Variants in PTPRD observed in about 807,000 individuals in gnomAD.
PTPRD encodes the protein protein tyrosine phosphatase receptor type D.
PTPRD carries 34 observed loss-of-function variants against 214.5 expected under a neutral mutation model. The observed-to-expected ratio is 0.16, with a 90% CI of 0.12 to 0.21. The LOEUF (loss-of-function observed/expected upper bound fraction) is 0.21, where lower values mean the gene tolerates loss of function less well. Ranked by LOEUF, PTPRD falls within the 10% of genes least tolerant of loss-of-function variation. The probability of loss-of-function intolerance (pLI) is 1.00; values close to 1 mark genes in which losing one functional copy is unlikely to be tolerated. For missense variants in PTPRD, 2,545 were observed against 2,398.7 expected, an observed-to-expected ratio of 1.06 and a Z score of -1.27; for synonymous variants, 1,128 against 845.7, an observed-to-expected ratio of 1.33 and a Z score of -5.79.
At chr9:9,184,778 T>C (rs935469829) in intron 9 of PTPRD, among the ~76,000 whole-genome samples, 2 of 152,036 alleles carry the variant, frequency 1.3e-5, no homozygotes, top group South Asian at 2.1e-4. Context: ...TAGCATATAC[T>C]TACCATCCCT....
intron 6 of PTPRD, among the ~76,000 whole-genome samples, chr9:9,750,726 T>C (rs988627957): frequency 6.6e-6 from 1 of 152,144 alleles, no homozygotes; most frequent in African/African-American, 2.4e-5. Context: ...ACTAACAAGA[T>C]ATCTTGAGGA....
At chr9:9,450,980 C>CACACACACACAG (rs2091999738) in intron 8 of PTPRD, among the ~76,000 whole-genome samples, 1 of 151,314 alleles carries the variant, frequency 6.6e-6, no homozygotes, top group Non-Finnish European at 1.5e-5. Flanking sequence ...CACACACACA[C>CACACACACACAG]ACACACAGAC....
intron 11 of PTPRD, among the ~76,000 whole-genome samples, chr9:9,005,336 AAAC>A (rs2099456762): frequency 6.6e-6 from 1 of 152,110 alleles, no homozygotes. Flanking sequence ...AATGTTGTGA[AAAC>A]AAGAAATAGC....
At chr9:9,745,818 T>A (rs1428342065) in intron 6 of PTPRD, among the ~76,000 whole-genome samples, 1 of 152,112 alleles carries the variant, frequency 6.6e-6, no homozygotes, top group African/African-American at 2.4e-5. Context: ...GCTTTTCATA[T>A]AGTATATAGT....
intron 2 of PTPRD, among the ~76,000 whole-genome samples, chr9:10,588,914 T>A (rs1408780672): frequency 6.6e-6 from 1 of 152,110 alleles, no homozygotes; most frequent in Non-Finnish European, 1.5e-5. Context: ...TTTAACATTT[T>A]ACTTGGTCTA....
chr9:9,713,784 C>G (rs1429133345), intron 7 of PTPRD, among the ~76,000 whole-genome samples: 6 of 152,032 alleles, frequency 3.9e-5, no homozygotes, highest in Non-Finnish European at 8.8e-5. Context: ...ATGATGTTGG[C>G]AGATCTCAAT....
intron 2 of PTPRD, among the ~76,000 whole-genome samples, chr9:10,370,786 C>T (rs2097596546): frequency 6.6e-6 from 1 of 151,886 alleles, no homozygotes; most frequent in Admixed American, 6.6e-5. Context: ...TTGATGGTCC[C>T]ATTTCCTACC....
At chr9:8,974,770 C>G (rs190553252) in intron 11 of PTPRD, among the ~76,000 whole-genome samples, 11 of 151,670 alleles carry the variant, frequency 7.3e-5, no homozygotes. Context: ...TAGTATATAC[C>G]ACTAATATAC....
intron 11 of PTPRD, among the ~76,000 whole-genome samples, chr9:9,000,630 C>T (rs2099414365): frequency 6.6e-6 from 1 of 151,890 alleles, no homozygotes. Context: ...ATCTGGACAC[C>T]TGACATTTTA....
intron 12 of PTPRD, among the ~76,000 whole-genome samples, chr9:8,696,764 T>C (rs1307235761): frequency 6.6e-6 from 1 of 152,190 alleles, no homozygotes; most frequent in Non-Finnish European, 1.5e-5. Flanking sequence ...TAAGGAGTTT[T>C]TACTTCATTC....
intron 11 of PTPRD, among the ~76,000 whole-genome samples, chr9:8,951,567 G>C (rs907251692): frequency 5.9e-5 from 9 of 151,724 alleles, no homozygotes; most frequent in African/African-American, 1.9e-4. Flanking sequence ...CCAAATTCTT[G>C]ATCTTCCATC....
intron 2 of PTPRD, among the ~76,000 whole-genome samples, chr9:10,473,381 T>C (rs2099043504): frequency 6.6e-6 from 1 of 152,132 alleles, no homozygotes; most frequent in Non-Finnish European, 1.5e-5. Context: ...GTCTGGATAC[T>C]AGCATGTCTC....
chr9:9,380,757 G>A (rs1179584292), intron 9 of PTPRD, among the ~76,000 whole-genome samples: 1 of 152,076 alleles, frequency 6.6e-6, no homozygotes, highest in African/African-American at 2.4e-5. Context: ...TGACGTGTCT[G>A]ACTATTTCTG....
At chr9:8,974,337 T>C (rs181878190) in intron 11 of PTPRD, among the ~76,000 whole-genome samples, 34 of 152,170 alleles carry the variant, frequency 2.2e-4, no homozygotes, top group South Asian at 1.0e-3. Flanking sequence ...TTGTCAGAAA[T>C]TGCCTTTAAA....
At chr9:9,770,014 G>C (rs1261897005) in intron 5 of PTPRD, among the ~76,000 whole-genome samples, 2 of 152,130 alleles carry the variant, frequency 1.3e-5, no homozygotes, top group African/African-American at 4.8e-5. Flanking sequence ...ATCACTGATG[G>C]GCATTTGGGT....
intron 5 of PTPRD, among the ~76,000 whole-genome samples, chr9:9,876,449 A>G (rs564694917): frequency 1.3e-5 from 2 of 152,232 alleles, no homozygotes; most frequent in Non-Finnish European, 2.9e-5. Flanking sequence ...ATGTCTCTTC[A>G]GGGCACCTAC....
chr9:8,561,997 G>C (rs1051145891), intron 14 of PTPRD, among the ~76,000 whole-genome samples: 2 of 152,054 alleles, frequency 1.3e-5, no homozygotes, highest in Admixed American at 1.3e-4. Flanking sequence ...GTTTCCTAAA[G>C]ACCTACCATT....
At chr9:10,137,824 G>A (rs1592112295) in intron 3 of PTPRD, among the ~76,000 whole-genome samples, 1 of 151,612 alleles carries the variant, frequency 6.6e-6, no homozygotes, top group Non-Finnish European at 1.5e-5. Context: ...GGGAGAAATT[G>A]TAAAACTCTT....
At chr9:9,625,821 A>C (rs575904729) in intron 7 of PTPRD, among the ~76,000 whole-genome samples, 1 of 152,316 alleles carries the variant, frequency 6.6e-6, no homozygotes, top group South Asian at 2.1e-4. Flanking sequence ...AATGGAGGCA[A>C]TTATAACATG....
Sources: allele counts gnomAD v4.1 joint callset (sites outside exome capture counted in the v4.1 genomes callset), GRCh38; gene constraint gnomAD v4.1.1; transcripts MANE v1.5; gene names NCBI Gene and HGNC (gene_info 2026-07-23, HGNC 2026-07-21).